QTMAN: variants seen among roughly 807,000 people sequenced by gnomAD.
QTMAN encodes the protein tRNA-queuosine alpha-mannosyltransferase.
At chr2:143,977,575 C>T in the QTMAN span, among the ~76,000 whole-genome samples, 14 of 151,990 alleles carry the variant, frequency 9.2e-5, no homozygotes, top group Non-Finnish European at 1.3e-4. Context: ...GGCATAAAAG[C>T]GGAAGTGTGG....
At chr2:144,054,687 C>T in the QTMAN span, among the ~76,000 whole-genome samples, 1 of 152,176 alleles carries the variant, frequency 6.6e-6, no homozygotes, top group African/African-American at 2.4e-5. Context: ...TGAACTTCAA[C>T]TAGGCCTGAC....
At chr2:144,041,772 C>T in the QTMAN span, among the ~76,000 whole-genome samples, 1 of 152,066 alleles carries the variant, frequency 6.6e-6, no homozygotes. Flanking sequence ...GGAACAGGAG[C>T]CAGTCCAGGG....
At chr2:144,095,791 T>A in the QTMAN span, among the ~76,000 whole-genome samples, 1 of 152,208 alleles carries the variant, frequency 6.6e-6, no homozygotes, top group Non-Finnish European at 1.5e-5. Context: ...TAATTTAATC[T>A]ATTTTCAAGA....
the QTMAN span, chr2:143,938,523 C>G: frequency 1.3e-5 from 2 of 152,174 alleles, no homozygotes; most frequent in African/African-American, 4.8e-5. Flanking sequence ...AAGGGGTGGT[C>G]TCTTTGTTAG....
the QTMAN span, among the ~76,000 whole-genome samples, chr2:144,248,228 A>T: frequency 6.6e-6 from 1 of 152,220 alleles, no homozygotes. Flanking sequence ...AGTCATTTTA[A>T]ATGATGCTGT....
chr2:144,308,103 T>A, the QTMAN span, among the ~76,000 whole-genome samples: 1 of 150,208 alleles, frequency 6.7e-6, no homozygotes, highest in Non-Finnish European at 1.5e-5. Context: ...GTTGGCATGA[T>A]AGACATATAG....
the QTMAN span, among the ~76,000 whole-genome samples, chr2:144,283,363 A>G: frequency 1.2e-4 from 18 of 152,324 alleles, no homozygotes; most frequent in Non-Finnish European, 2.5e-4. Flanking sequence ...AAAAAACCCC[A>G]TAAACATTTT....
At chr2:143,967,993 G>C in the QTMAN span, among the ~76,000 whole-genome samples, 2 of 152,166 alleles carry the variant, frequency 1.3e-5, no homozygotes, top group Non-Finnish European at 2.9e-5. Context: ...ATAAACTAGA[G>C]GGGTGACAAT....
chr2:144,152,827 G>C, the QTMAN span, among the ~76,000 whole-genome samples: 1 of 152,130 alleles, frequency 6.6e-6, no homozygotes, highest in Non-Finnish European at 1.5e-5. Context: ...GAAATAAGCC[G>C]TAAATACAGG....
the QTMAN span, among the ~76,000 whole-genome samples, chr2:144,137,689 C>T: frequency 6.6e-6 from 1 of 151,836 alleles, no homozygotes; most frequent in African/African-American, 2.4e-5. Flanking sequence ...GGCCTTGGCG[C>T]CTTTATCCAT....
the QTMAN span, chr2:143,970,830 T>C: frequency 2.4e-6 from 2 of 849,978 alleles, no homozygotes; most frequent in Non-Finnish European, 4.0e-6. Context: ...GTGGTTTCAC[T>C]TCCTACAGTA....
the QTMAN span, among the ~76,000 whole-genome samples, chr2:144,150,248 C>A: frequency 1.3e-5 from 2 of 152,020 alleles, no homozygotes; most frequent in African/African-American, 4.8e-5. Flanking sequence ...TTGCTCAATA[C>A]CTAAACTCCT....
the QTMAN span, among the ~76,000 whole-genome samples, chr2:143,956,040 A>G: frequency 6.6e-6 from 1 of 152,188 alleles, no homozygotes. Context: ...GCTTCAGTGG[A>G]TAAGAAAGAA....
the QTMAN span, among the ~76,000 whole-genome samples, chr2:144,223,106 T>C: frequency 6.6e-6 from 1 of 152,324 alleles, no homozygotes; most frequent in South Asian, 2.1e-4. Context: ...CATTTTCAAA[T>C]AATATGAAAT....
the QTMAN span, among the ~76,000 whole-genome samples, chr2:144,089,567 T>C: frequency 6.6e-6 from 1 of 151,842 alleles, no homozygotes; most frequent in East Asian, 1.9e-4. Flanking sequence ...GATGAATATA[T>C]AAAGAAAATG....
At chr2:144,052,883 A>G in the QTMAN span, among the ~76,000 whole-genome samples, 1 of 152,196 alleles carries the variant, frequency 6.6e-6, no homozygotes, top group African/African-American at 2.4e-5. Flanking sequence ...TCCAGACCTC[A>G]GGTGATCCAT....
the QTMAN span, among the ~76,000 whole-genome samples, chr2:144,291,417 A>G: frequency 6.6e-6 from 1 of 152,130 alleles, no homozygotes; most frequent in Non-Finnish European, 1.5e-5. Flanking sequence ...ATTGTTTTGC[A>G]CCCTCACCCT....
At chr2:144,277,854 C>T in the QTMAN span, among the ~76,000 whole-genome samples, 3 of 152,270 alleles carry the variant, frequency 2.0e-5, no homozygotes, top group South Asian at 6.2e-4. Context: ...CCCACCCAAT[C>T]CCATTCTAGC....
the QTMAN span, chr2:143,942,061 G>T: frequency 6.0e-6 from 1 of 165,868 alleles, no homozygotes; most frequent in Non-Finnish European, 1.5e-5. Context: ...ATTCCTAGGG[G>T]TCACATCTTC....
Sources: allele counts gnomAD v4.1 joint callset (sites outside exome capture counted in the v4.1 genomes callset), GRCh38; gene constraint gnomAD v4.1.1; transcripts MANE v1.5; gene names NCBI Gene and HGNC (gene_info 2026-07-23, HGNC 2026-07-21).